The following BBS9 variants were observed in gnomAD, a reference collection of about 807,000 sequenced individuals.
The protein encoded by BBS9 is protein PTHB1.
BBS9 carries 89 observed loss-of-function variants against 117.7 expected under a neutral mutation model. The ratio of observed to expected loss-of-function variants is 0.76; its 90% confidence interval spans 0.64 to 0.90. BBS9 has a LOEUF of 0.90. BBS9 is among the 40% of genes least tolerant of loss of function. The probability of loss-of-function intolerance (pLI) is 0.00; values close to 1 mark genes in which losing one functional copy is unlikely to be tolerated. For synonymous variants in BBS9, 379 were observed against 370.9 expected, an observed-to-expected ratio of 1.02 and a Z score of -0.25; for missense variants, 982 against 1,042.2, an observed-to-expected ratio of 0.94 and a Z score of 0.80.
At chr7:33,604,813 A>T (rs762455838) in intron 21 of BBS9, 52 bp from the exon 22 acceptor site, 1 of 1,242,476 alleles carries the variant, frequency 8.0e-7, no homozygotes, top group Non-Finnish European at 1.2e-6. Context: ...CTGTGTAGAG[A>T]GGCAGATTTT....
chr7:33,147,318 T>G (rs1347103343), intron 2 of BBS9, among the ~76,000 whole-genome samples: 2 of 152,222 alleles, frequency 1.3e-5, no homozygotes, highest in African/African-American at 2.4e-5. Flanking sequence ...ACTATTCTTT[T>G]GTTTACTGCA....
intron 21 of BBS9, among the ~76,000 whole-genome samples, chr7:33,580,707 T>C (rs1054431047): frequency 1.3e-5 from 2 of 152,194 alleles, no homozygotes; most frequent in African/African-American, 4.8e-5. Context: ...ATGGGAGTTA[T>C]TCATTCATCT....
chr7:33,406,559 G>C (rs1291086784), intron 19 of BBS9, among the ~76,000 whole-genome samples: 1 of 152,132 alleles, frequency 6.6e-6, no homozygotes, highest in East Asian at 1.9e-4. Context: ...GCATGATTTT[G>C]CAGCGGCTAG....
chr7:33,363,251 C>A (rs185387262), intron 16 of BBS9, among the ~76,000 whole-genome samples: 3 of 152,046 alleles, frequency 2.0e-5, no homozygotes, highest in Non-Finnish European at 4.4e-5. Flanking sequence ...TACAGGCACA[C>A]GCCACCATGC....
chr7:33,493,283 C>G (rs993504510), intron 19 of BBS9, among the ~76,000 whole-genome samples: 1 of 152,164 alleles, frequency 6.6e-6, no homozygotes, highest in Admixed American at 6.5e-5. Flanking sequence ...TGTGAACCAC[C>G]GCGCCTGGCC....
intron 9 of BBS9, among the ~76,000 whole-genome samples, chr7:33,331,745 A>C (rs1814110814): frequency 6.6e-6 from 1 of 151,952 alleles, no homozygotes; most frequent in Non-Finnish European, 1.5e-5. Flanking sequence ...TACTTAACCA[A>C]TGAGGTGAAA....
intron 17 of BBS9, among the ~76,000 whole-genome samples, chr7:33,379,061 G>T (rs1232398465): frequency 1.3e-5 from 2 of 152,286 alleles, no homozygotes; most frequent in East Asian, 3.9e-4. Flanking sequence ...AACAGAAGCT[G>T]GTATAATGTC....
chr7:33,612,812 C>A (rs143368142), intron 21 of BBS9, among the ~76,000 whole-genome samples: 335 of 152,124 alleles, frequency 2.2e-3, no homozygotes, highest in African/African-American at 7.7e-3. Context: ...AAGTCCACTT[C>A]TTTAAGGAGA....
At chr7:33,508,109 A>G (rs1191414704) in intron 20 of BBS9, among the ~76,000 whole-genome samples, 7 of 152,170 alleles carry the variant, frequency 4.6e-5, no homozygotes, top group African/African-American at 1.7e-4. Flanking sequence ...TTACACATAT[A>G]TTTTGTTCTT....
chr7:33,434,298 G>A (rs1178758144), intron 19 of BBS9, among the ~76,000 whole-genome samples: 2 of 149,594 alleles, frequency 1.3e-5, no homozygotes, highest in East Asian at 3.9e-4. Context: ...AAAAAACTCC[G>A]TTTTAGCTTA....
intron 4 of BBS9, among the ~76,000 whole-genome samples, chr7:33,161,612 T>G (rs1277170446): frequency 6.6e-6 from 1 of 152,236 alleles, no homozygotes; most frequent in Non-Finnish European, 1.5e-5. Flanking sequence ...GTAGCATGAT[T>G]TATAATCCTT....
At chr7:33,525,978 T>C (rs1377642553) in intron 20 of BBS9, among the ~76,000 whole-genome samples, 2 of 151,646 alleles carry the variant, frequency 1.3e-5, no homozygotes, top group Non-Finnish European at 2.9e-5. Flanking sequence ...TGCTTGTCTG[T>C]AAAGTATTTT....
intron 19 of BBS9, among the ~76,000 whole-genome samples, chr7:33,457,086 A>C (rs1838760845): frequency 6.6e-6 from 1 of 152,184 alleles, no homozygotes; most frequent in Non-Finnish European, 1.5e-5. Context: ...TTTTAAAGCT[A>C]GTCCTTTGGG....
chr7:33,550,612 C>T (rs1305367219), intron 21 of BBS9, among the ~76,000 whole-genome samples: 2 of 151,994 alleles, frequency 1.3e-5, no homozygotes, highest in Non-Finnish European at 2.9e-5. Context: ...CTGAATGAAG[C>T]CAGATCTATG....
intron 9 of BBS9, among the ~76,000 whole-genome samples, chr7:33,286,455 G>A (rs149904194): frequency 2.6e-5 from 4 of 152,102 alleles, no homozygotes; most frequent in Non-Finnish European, 4.4e-5. Flanking sequence ...TGACTTTGCC[G>A]TTCATTTTTC....
At chr7:33,343,724 C>G (rs1344833580) in intron 11 of BBS9, among the ~76,000 whole-genome samples, 1 of 152,078 alleles carries the variant, frequency 6.6e-6, no homozygotes, top group Non-Finnish European at 1.5e-5. Flanking sequence ...GTCTCGAACT[C>G]CTGACCTCAG....
At chr7:33,399,859 G>A (rs984763134) in intron 19 of BBS9, among the ~76,000 whole-genome samples, 1 of 152,106 alleles carries the variant, frequency 6.6e-6, no homozygotes, top group Non-Finnish European at 1.5e-5. Context: ...CCTGGATTTA[G>A]GTATGTAATG....
At chr7:33,470,773 A>C (rs1160236901) in intron 19 of BBS9, among the ~76,000 whole-genome samples, 1 of 152,210 alleles carries the variant, frequency 6.6e-6, no homozygotes, top group East Asian at 1.9e-4. Flanking sequence ...TGAATAATGT[A>C]AGAGAATCCT....
At chr7:33,565,282 G>A (rs2129125067) in intron 21 of BBS9, among the ~76,000 whole-genome samples, 1 of 152,100 alleles carries the variant, frequency 6.6e-6, no homozygotes, top group South Asian at 2.1e-4. Context: ...CTGACCTTGA[G>A]CCTTCACTTC....
Sources: gnomAD v4.1 joint callset for allele counts (sites outside exome capture counted in the v4.1 genomes callset) on GRCh38, gnomAD v4.1.1 for gene constraint, MANE v1.5 for transcripts, NCBI Gene and HGNC (gene_info 2026-07-23, HGNC 2026-07-21) for gene names.